Variants in ARHGAP17 observed in about 807,000 individuals in gnomAD.
ARHGAP17 encodes the protein Rho GTPase activating protein 17.
A neutral mutation model predicts 99.5 loss-of-function variants in ARHGAP17; 57 were observed. The observed-to-expected ratio is 0.57, with a 90% CI of 0.46 to 0.71. The LOEUF is 0.71. ARHGAP17 is among the 30% of genes least tolerant of loss of function. The pLI is 0.00. For synonymous variants in ARHGAP17, 417 were observed against 429.6 expected, an observed-to-expected ratio of 0.97 and a Z score of 0.36; for missense variants, 1,000 against 1,122.4, an observed-to-expected ratio of 0.89 and a Z score of 1.56.
intron 3 of ARHGAP17, 50 bp downstream of exon 3, chr16:24,977,165 G>A (rs745322489): frequency 1.4e-6 from 2 of 1,442,534 alleles, no homozygotes; most frequent in East Asian, 5.0e-5. Flanking sequence ...GGGTTGAAAA[G>A]CCTCAGAGAG....
intron 1 of ARHGAP17, among the ~76,000 whole-genome samples, chr16:24,993,710 C>G (rs11074663): frequency 0.32 from 48,087 of 151,958 alleles, 7,832 homozygotes; most frequent in East Asian, 0.5. Context: ...GTGAACCAGT[C>G]TTTGAACCTT....
chr16:24,969,281 G>A (rs2052288861), intron 4 of ARHGAP17, among the ~76,000 whole-genome samples: 1 of 151,158 alleles, frequency 6.6e-6, no homozygotes, highest in African/African-American at 2.4e-5. Flanking sequence ...TACACGTGCA[G>A]TGATATAACT....
In ARHGAP17 at chr16:24,980,996, A is replaced by G. The variant is rs79961653; in HGVS notation, c.54-1991T>C. ...TCAGAACAAATATGTCCTTTTTCAGAGCAAATTATTTTTTAAAAAATAACA... is the reference window on the plus strand; with the variant it reads ...TCAGAACAAATATGTCCTTTTTCAGGGCAAATTATTTTTTAAAAAATAACA... On this transcript the variant is annotated intron_variant, in intron 1 of 19. Coordinates refer to ENST00000289968, the MANE Select transcript of ARHGAP17 (RefSeq NM_001006634.3). Among the ~76,000 whole-genome samples the G allele has an allele frequency of 6.2e-3, 942 of 152,346 alleles. 10 individuals are homozygous for G. Among genetic ancestry groups the G allele is most frequent in the African/African-American group, 0.021 (884 of 41,570 alleles).
rs117543068 is a variant in ARHGAP17, at chr16:24,919,802, C to T, written c.*328G>A. 4.9e-4 allele frequency: 98 copies of T among 198,862 alleles called. No individual in the cohort carries two copies. In the East Asian group the frequency reaches 0.011, roughly 21 times the overall value. 12.3% of individuals were successfully genotyped at this position (198,862 alleles called of 1,614,324 possible). A position where few individuals can be genotyped will look rare whatever the true frequency, so the allele number is the denominator to read the frequency against. ...ATTCCAAGTTGCTGTAGGTGCTGCC[C>T]GCATTAACAGCAGGGACAAAAGCTT... On this transcript the variant is annotated 3_prime_UTR_variant, in exon 20 of 20. Transcript: ENST00000289968.
rs1398695709 is a variant in ARHGAP17 at position 24,954,669 on chromosome 16, C to T, written c.786G>A (p.Gly262=). ...TPLEEHLKRS[G]REIALPIEAC... is the part of the protein sequence containing the mutation. Reference sequence around the variant, plus strand: ...CTTCAATGGGCAGCGCAATCTCGCGCCCGCTCCTCTTCAGGTGTTCTTCTA... The same window carrying T: ...CTTCAATGGGCAGCGCAATCTCGCGTCCGCTCCTCTTCAGGTGTTCTTCTA... Residue 262 remains glycine (G), a synonymous_variant, in exon 10 of 20, where the codon GGG becomes GGA. Transcript: ENST00000289968. 6.2e-7 allele frequency: 1 copy of T among 1,614,070 alleles called. No homozygotes were observed. The highest frequency in any genetic ancestry group is 1.3e-5 in the African/African-American group (1 of 75,026).
chr16:24,968,983 T>TTG (rs2052280098), intron 4 of ARHGAP17, among the ~76,000 whole-genome samples: 1 of 152,200 alleles, frequency 6.6e-6, no homozygotes, highest in Non-Finnish European at 1.5e-5. Context: ...GGGATGCACT[T>TTG]TGTGTGTGTG....
intron 1 of ARHGAP17, among the ~76,000 whole-genome samples, chr16:25,007,475 C>G (rs1342717958): frequency 1.3e-5 from 2 of 152,180 alleles, no homozygotes; most frequent in Admixed American, 1.3e-4. Context: ...AAGCGATCCT[C>G]CCACCTGAGC....
intron 17 of ARHGAP17, chr16:24,936,881 G>C (rs1259261781): frequency 6.6e-6 from 1 of 152,166 alleles, no homozygotes; most frequent in Non-Finnish European, 1.5e-5. Context: ...CACTTTGGGA[G>C]GTTAGGGAGG....
At chr16:24,939,061 G>A (rs2051232810) in intron 17 of ARHGAP17, among the ~76,000 whole-genome samples, 1 of 152,226 alleles carries the variant, frequency 6.6e-6, no homozygotes, top group Admixed American at 6.5e-5. Context: ...AATGCTGACA[G>A]TATACATCCA....
intron 1 of ARHGAP17, among the ~76,000 whole-genome samples, chr16:24,983,143 T>G (rs555716021): frequency 6.7e-6 from 1 of 149,794 alleles, no homozygotes; most frequent in African/African-American, 2.5e-5. Flanking sequence ...TAGCTGAGAC[T>G]ACAGGCATAC....
intron 1 of ARHGAP17, among the ~76,000 whole-genome samples, chr16:25,009,520 G>A (rs796964835): frequency 2.0e-5 from 3 of 152,278 alleles, no homozygotes; most frequent in African/African-American, 7.2e-5. Flanking sequence ...GCTGACTCAG[G>A]GAAGAGAGAT....
chr16:24,970,194 C>T (rs756791175), intron 4 of ARHGAP17, among the ~76,000 whole-genome samples: 8 of 152,176 alleles, frequency 5.3e-5, no homozygotes, highest in Non-Finnish European at 1.2e-4. Context: ...TGAGCCAACA[C>T]CTGGAACACA....
At chr16:24,985,885 C>G (rs1036197501) in intron 1 of ARHGAP17, among the ~76,000 whole-genome samples, 2 of 152,040 alleles carry the variant, frequency 1.3e-5, no homozygotes, top group Non-Finnish European at 2.9e-5. Context: ...GATAGAGACA[C>G]GAGGGGCATT....
At chr16:24,929,483 G>A in intron 19 of ARHGAP17, 1 of 553,830 alleles carries the variant, frequency 1.8e-6, no homozygotes, top group Non-Finnish European at 2.3e-6. Flanking sequence ...CCTATTGGCT[G>A]TCAGGGCACA....
chr16:24,981,266 A>G (rs1206328782), intron 1 of ARHGAP17, among the ~76,000 whole-genome samples: 1 of 152,270 alleles, frequency 6.6e-6, no homozygotes, highest in East Asian at 1.9e-4. Context: ...CAACAGCCAC[A>G]AAGAAAATAA....
chr16:24,978,714 C>T (rs1021202047), intron 2 of ARHGAP17, among the ~76,000 whole-genome samples: 17 of 152,116 alleles, frequency 1.1e-4, no homozygotes, highest in African/African-American at 4.1e-4. Flanking sequence ...CAGGGAAGTT[C>T]AGTAAATCCC....
chr16:24,939,430 G>C lies in ARHGAP17; in HGVS notation c.1658C>G (p.Ser553Cys), dbSNP rs754276172. The part of the protein sequence containing the change: ...PPQSSRAESS[S>C]GGGTVPSSAG... ...GGAAGAGGGGACAGTCCCACCCCCAGAGCTGCTTTCAGCCCTAGAGCTCTG... is the reference window on the plus strand; with the variant it reads ...GGAAGAGGGGACAGTCCCACCCCCACAGCTGCTTTCAGCCCTAGAGCTCTG... Residue 553 changes from serine to cysteine, a missense_variant, in exon 17 of 20, where the codon TCT becomes TGT. By Grantham distance (112) the Ser-to-Cys change is moderately radical (BLOSUM62 -1). Transcript: ENST00000289968. 7 of 1,611,954 alleles carry C rather than the reference G, an allele frequency of 4.3e-6. No individual in the cohort carries two copies. The highest frequency in any genetic ancestry group is 5.9e-6 in the Non-Finnish European group (7 of 1,179,868).
chr16:24,995,300 G>A (rs1326574377), intron 1 of ARHGAP17, among the ~76,000 whole-genome samples: 2 of 152,102 alleles, frequency 1.3e-5, no homozygotes, highest in South Asian at 4.1e-4. Flanking sequence ...AAATTGTTGC[G>A]GGTTACAGAC....
At chr16:24,950,655 T>C (rs1218634440) in intron 12 of ARHGAP17, among the ~76,000 whole-genome samples, 1 of 151,838 alleles carries the variant, frequency 6.6e-6, no homozygotes, top group Non-Finnish European at 1.5e-5. Context: ...GCCAACATGG[T>C]GAAACCTTGT....
Sources: allele counts gnomAD v4.1 joint callset (sites outside exome capture counted in the v4.1 genomes callset), GRCh38; gene constraint gnomAD v4.1.1; transcripts MANE v1.5; gene names NCBI Gene and HGNC (gene_info 2026-07-23, HGNC 2026-07-21).